Variants in RGL4 observed in about 807,000 individuals in gnomAD.
The protein encoded by RGL4 is ral-GDS-related protein.
Under a neutral mutation model 49.6 loss-of-function variants are expected in RGL4, and 41 were observed. That is an observed-to-expected ratio of 0.83 (90% CI 0.64 to 1.07). The LOEUF (loss-of-function observed/expected upper bound fraction) is 1.07, where lower values mean the gene tolerates loss of function less well. RGL4 is among the 50% of genes least tolerant of loss of function. RGL4 has a pLI of 0.00. For synonymous variants in RGL4, 255 were observed against 238.0 expected, an observed-to-expected ratio of 1.07 and a Z score of -0.66; for missense variants, 610 against 591.9, an observed-to-expected ratio of 1.03 and a Z score of -0.32.
In RGL4 at chr22:23,697,153, C is replaced by T; in HGVS notation, c.1162-18C>T. ...ATCACCACTACCCCTCCCACCTCCCCACCCCTCCTTGGCACAGGGTGTGGT... is the reference window on the plus strand; with the variant it reads ...ATCACCACTACCCCTCCCACCTCCCTACCCCTCCTTGGCACAGGGTGTGGT... On this transcript the variant is annotated intron_variant, in intron 7 of 10. Transcript: ENST00000290691. 1.2e-6 allele frequency: 2 copies of T among 1,601,174 alleles called. No individual in the cohort carries two copies. Among genetic ancestry groups the T allele is most frequent in the Non-Finnish European group, 1.7e-6 (2 of 1,170,388 alleles).
intron 3 of RGL4, 135 bp from the exon 4 acceptor site, chr22:23,693,624 T>G: frequency 1.4e-6 from 1 of 736,626 alleles, no homozygotes; most frequent in Non-Finnish European, 2.4e-6. Flanking sequence ...TGGAGCCCAT[T>G]TTAAAGCTTT....
chr22:23,698,737 T>C, intron 10 of RGL4, 107 bp from the exon 11 acceptor site: 2 of 1,366,022 alleles, frequency 1.5e-6, no homozygotes, highest in Non-Finnish European at 9.9e-7. Flanking sequence ...CATCAAGCCC[T>C]GTTGCATGGG....
rs1474983056 is a variant in RGL4, at chr22:23,698,966, T to A, written c.*83T>A. On this transcript the variant is annotated 3_prime_UTR_variant, in exon 11 of 11. Coordinates refer to ENST00000290691, the MANE Select transcript of RGL4 (RefSeq NM_153615.2). The stretch of plus-strand genomic sequence containing the variant: ...TCTGCACCATCCCTCACCCAGACCG[T>A]AGACACCAGGGAACCACATCTAGGA... The A allele has an allele frequency of 6.3e-7, 1 of 1,575,644 alleles. No individual in the cohort carries two copies. The highest frequency in any genetic ancestry group is 1.3e-5 in the African/African-American group (1 of 74,334).
rs146449530 is a variant in RGL4, at chr22:23,698,320, A to G, written c.1369A>G (p.Ser457Gly). 3.7e-4 allele frequency: 594 copies of G among 1,603,748 alleles called. 4 individuals are homozygous for G. The African/African-American group carries it at 6.8e-3, about 18-fold the overall frequency. Residue 457 changes from serine to glycine, a missense_variant, in exon 10 of 11, where the codon AGT becomes GGT. By Grantham distance (56) the Ser-to-Gly change is moderately conservative. Transcript: ENST00000290691. ...VTYFTRMEQL[S>G]DKESYKLSCQ... ...CTATTTCACAAGAATGGAGCAGCTC[A>G]GTGACAAAGAGAGGTGAGGGCCTAG...
chr22:23,698,409 G>A (rs1241600755), intron 10 of RGL4, 76 bp downstream of exon 10: 11 of 1,516,982 alleles, frequency 7.3e-6, no homozygotes, highest in African/African-American at 2.8e-5. Context: ...TGGCTCTGTC[G>A]CCCAGGCTGC....
intron 9 of RGL4, 51 bp from the exon 10 acceptor site, chr22:23,698,161 C>T: frequency 1.3e-6 from 2 of 1,576,688 alleles, no homozygotes; most frequent in East Asian, 2.3e-5. Flanking sequence ...CCAAAGGCCC[C>T]CACAGCAACT....
Position 23,698,965 on chromosome 22 carries a change from G to T in RGL4, c.*82G>T. 7.0e-6 allele frequency: 11 copies of T among 1,575,330 alleles called. No individual in the cohort carries two copies. The highest frequency in any genetic ancestry group is 9.5e-6 in the Non-Finnish European group (11 of 1,160,098). On this transcript the variant is annotated 3_prime_UTR_variant, in exon 11 of 11. Coordinates refer to ENST00000290691, the MANE Select transcript of RGL4 (RefSeq NM_153615.2). ...CTCTGCACCATCCCTCACCCAGACC[G>T]TAGACACCAGGGAACCACATCTAGG...
intron 3 of RGL4, 166 bp downstream of exon 3, chr22:23,693,157 G>C: frequency 8.1e-7 from 1 of 1,241,064 alleles, no homozygotes; most frequent in Non-Finnish European, 1.1e-6. Flanking sequence ...TCTGCATGTG[G>C]ACGGCAGAGA....
At chr22:23,693,210 C>T (rs571358831) in intron 3 of RGL4, 1 of 806,628 alleles carries the variant, frequency 1.2e-6, no homozygotes, top group Non-Finnish European at 1.9e-6. Context: ...ACTGTGCAGA[C>T]TGAGTGACAG....
intron 1 of RGL4, 40 bp from the exon 2 acceptor site, chr22:23,692,292 GAGA>G (rs1225354321): frequency 4.3e-6 from 7 of 1,609,366 alleles, no homozygotes; most frequent in Non-Finnish European, 5.1e-6. Context: ...GGTTGTGTGG[GAGA>G]AGGCCAGGCC....
intron 8 of RGL4, 130 bp downstream of exon 8, chr22:23,697,375 G>A (rs868866565): frequency 1.2e-5 from 8 of 691,230 alleles, no homozygotes; most frequent in South Asian, 9.1e-5. Flanking sequence ...AGCTGCTCCT[G>A]TGGGTGGGGG....
Position 23,693,899 on chromosome 22 carries a change from C to T in RGL4, c.837C>T (p.Thr279=). 1 of 1,613,952 alleles carries T rather than the reference C, an allele frequency of 6.2e-7. No homozygotes were observed. Among genetic ancestry groups the T allele is most frequent in the Non-Finnish European group, 8.5e-7 (1 of 1,180,032 alleles). ...HFNRLTNCIT[T]SCLGDHSMRA... is the part of the protein sequence containing the mutation. ...ACAGGCTCACCAACTGCATCACCAC[C>T]TCCTGCCTCGGGGACCACAGCATGA... is the stretch of plus-strand genomic sequence containing the variant. The change falls in exon 4 of 11, where the codon ACC becomes ACT. Residue 279 remains threonine (T), a synonymous_variant. Transcript: ENST00000290691.
intron 10 of RGL4, 130 bp downstream of exon 10, chr22:23,698,463 G>A: frequency 1.8e-6 from 2 of 1,119,328 alleles, no homozygotes; most frequent in South Asian, 2.6e-5. Context: ...TCTGCCTTCT[G>A]GGCTCAAGTC....
At chr22:23,695,475 C>CTGT in intron 6 of RGL4, 1 of 571,628 alleles carries the variant, frequency 1.7e-6, no homozygotes, top group Non-Finnish European at 2.9e-6. Context: ...GCTGCTGCTG[C>CTGT]TGTCTGCAGC....
intron 3 of RGL4, 178 bp downstream of exon 3, chr22:23,693,169 G>A (rs1923251203): frequency 8.9e-7 from 1 of 1,118,608 alleles, no homozygotes; most frequent in African/African-American, 1.6e-5. Context: ...CGGCAGAGAT[G>A]GGACATCACC....
chr22:23,694,102 GC>G, intron 4 of RGL4, 128 bp downstream of exon 4: 1 of 872,484 alleles, frequency 1.1e-6, no homozygotes, highest in Non-Finnish European at 1.8e-6. Context: ...GGCTCTTCTT[GC>G]CAGAGCTTCA....
At position 23,695,699 on chromosome 22, in the gene RGL4, G is replaced by A. The variant is rs112365500; in HGVS notation, c.1086+680G>A. Reference sequence around the variant, plus strand: ...CAGAGGATTCTCACCGGTTAGCAGCGACGCATGCTCATGACAAGTATCTGG... The same window carrying A: ...CAGAGGATTCTCACCGGTTAGCAGCAACGCATGCTCATGACAAGTATCTGG... On this transcript the variant is annotated intron_variant, in intron 6 of 10. Coordinates refer to ENST00000290691, the MANE Select transcript of RGL4 (RefSeq NM_153615.2). Among the ~76,000 whole-genome samples, 344 of 152,280 alleles carry A rather than the reference G, an allele frequency of 2.3e-3. 1 individual carries two copies. Among genetic ancestry groups the A allele is most frequent in the African/African-American group, 7.9e-3 (330 of 41,538 alleles).
In RGL4 at chr22:23,699,068, C is replaced by T. The variant is rs755986550; in HGVS notation, c.*185C>T. 6.5e-7 allele frequency: 1 copy of T among 1,543,562 alleles called. No homozygotes were observed. Among genetic ancestry groups the T allele is most frequent in the South Asian group, 1.2e-5 (1 of 83,244 alleles). On this transcript the variant is annotated 3_prime_UTR_variant, in exon 11 of 11. Coordinates refer to ENST00000290691, the MANE Select transcript of RGL4 (RefSeq NM_153615.2). Reference sequence around the variant, plus strand: ...TGCTGGCCAGGATCAGGCCATGGGACTTTTGTGAGTCAGGCGGGAGACCAT... The same window carrying T: ...TGCTGGCCAGGATCAGGCCATGGGATTTTTGTGAGTCAGGCGGGAGACCAT...
intron 4 of RGL4, 21 bp from the exon 5 acceptor site, chr22:23,694,326 A>G: frequency 6.4e-7 from 1 of 1,573,398 alleles, no homozygotes. Flanking sequence ...TGAACCGCAC[A>G]GCTCATTCTT....
Sources: gnomAD v4.1 joint callset for allele counts (sites outside exome capture counted in the v4.1 genomes callset) on GRCh38, gnomAD v4.1.1 for gene constraint, MANE v1.5 for transcripts, NCBI Gene and HGNC (gene_info 2026-07-23, HGNC 2026-07-21) for gene names.